Variants in CNTN4 observed in about 807,000 individuals in gnomAD.
CNTN4 encodes the protein contactin-4.
In CNTN4, 77 loss-of-function variants were observed where a neutral mutation model predicts 122.5. The ratio of observed to expected loss-of-function variants is 0.63; its 90% CI spans 0.52 to 0.76. The LOEUF is 0.76. Among genes scored for constraint, CNTN4 ranks in the 30% least tolerant of loss-of-function variants. The probability of loss-of-function intolerance (pLI) is 0.00; values close to 1 mark genes in which losing one functional copy is unlikely to be tolerated. For synonymous variants in CNTN4, 512 were observed against 447.0 expected, an observed-to-expected ratio of 1.15 and a Z score of -1.83; for missense variants, 1,256 against 1,259.1, an observed-to-expected ratio of 1.00 and a Z score of 0.04.
intron 4 of CNTN4, among the ~76,000 whole-genome samples, chr3:2,616,097 A>G (rs1044036776): frequency 6.6e-6 from 1 of 150,998 alleles, no homozygotes; most frequent in Non-Finnish European, 1.5e-5. Flanking sequence ...TATGTGTGCC[A>G]TGGTGCCTTG....
chr3:2,665,815 T>C (rs113257397), intron 4 of CNTN4, among the ~76,000 whole-genome samples: 1 of 152,182 alleles, frequency 6.6e-6, no homozygotes, highest in Admixed American at 6.6e-5. Context: ...AAATATGGGG[T>C]ATCCACATCC....
chr3:2,652,400 T>C (rs756432226), intron 4 of CNTN4, among the ~76,000 whole-genome samples: 44 of 152,152 alleles, frequency 2.9e-4, no homozygotes, highest in Non-Finnish European at 5.7e-4. Context: ...TCAACTACTA[T>C]CCTTATGGAT....
At chr3:2,561,632 G>A (rs567772971) in intron 3 of CNTN4, among the ~76,000 whole-genome samples, 27 of 152,114 alleles carry the variant, frequency 1.8e-4, no homozygotes, top group Non-Finnish European at 2.5e-4. Flanking sequence ...CAATTATATG[G>A]ATTTTCTCTC....
At chr3:2,989,782 G>T (rs1000523140) in intron 14 of CNTN4, among the ~76,000 whole-genome samples, 6 of 152,170 alleles carry the variant, frequency 3.9e-5, no homozygotes, top group African/African-American at 1.4e-4. Context: ...GTAAAGTGCA[G>T]TTCTAGCTAG....
chr3:2,345,286 G>A (rs2044359777), intron 3 of CNTN4, among the ~76,000 whole-genome samples: 1 of 152,044 alleles, frequency 6.6e-6, no homozygotes, highest in African/African-American at 2.4e-5. Context: ...ACACATTTTA[G>A]AGATTCTTTT....
intron 8 of CNTN4, among the ~76,000 whole-genome samples, chr3:2,867,277 C>T (rs996681990): frequency 2.0e-4 from 30 of 152,158 alleles, no homozygotes; most frequent in African/African-American, 6.8e-4. Context: ...AAAGGTTGAA[C>T]AATTAGCTCA....
intron 2 of CNTN4, among the ~76,000 whole-genome samples, chr3:2,308,271 T>C (rs1199335406): frequency 6.6e-6 from 1 of 152,048 alleles, no homozygotes; most frequent in Non-Finnish European, 1.5e-5. Context: ...TTATTCTCAA[T>C]TTTAGGATTT....
chr3:2,518,659 AT>A (rs1448196419), intron 3 of CNTN4, among the ~76,000 whole-genome samples: 1 of 152,184 alleles, frequency 6.6e-6, no homozygotes, highest in African/African-American at 2.4e-5. Flanking sequence ...TAACTAGTAA[AT>A]AAAACATATA....
At chr3:2,877,707 T>C (rs1467808832) in intron 8 of CNTN4, among the ~76,000 whole-genome samples, 1 of 152,168 alleles carries the variant, frequency 6.6e-6, no homozygotes, top group Non-Finnish European at 1.5e-5. Flanking sequence ...ATTCCATCAA[T>C]GTTCGCACTC....
chr3:2,315,401 G>A (rs1440423330), intron 2 of CNTN4, among the ~76,000 whole-genome samples: 1 of 151,992 alleles, frequency 6.6e-6, no homozygotes, highest in Admixed American at 6.6e-5. Flanking sequence ...GTGGGATGCT[G>A]TTATCTGAAG....
intron 2 of CNTN4, among the ~76,000 whole-genome samples, chr3:2,334,620 C>T (rs1379151041): frequency 6.6e-6 from 1 of 152,060 alleles, no homozygotes; most frequent in Non-Finnish European, 1.5e-5. Flanking sequence ...ATATTTTGTC[C>T]ACTGATTATT....
intron 3 of CNTN4, among the ~76,000 whole-genome samples, chr3:2,482,139 G>A (rs1163444034): frequency 6.6e-6 from 1 of 152,204 alleles, no homozygotes; most frequent in African/African-American, 2.4e-5. Context: ...ACTTCCTAGA[G>A]ACTTGTTGAA....
At chr3:2,176,322 A>T (rs4684338) in intron 2 of CNTN4, among the ~76,000 whole-genome samples, 43,630 of 152,066 alleles carry the variant, frequency 0.29, 7,965 homozygotes, top group Non-Finnish European at 0.42. Context: ...ATATGTACTT[A>T]TTAATGAGTT....
At chr3:3,045,058 T>C (rs757929090) in intron 23 of CNTN4, among the ~76,000 whole-genome samples, 16 of 152,130 alleles carry the variant, frequency 1.1e-4, no homozygotes, top group Non-Finnish European at 1.5e-4. Context: ...CAGTCTGAGA[T>C]CGAACTGCAA....
intron 4 of CNTN4, 116 bp downstream of exon 4, chr3:2,571,674 A>T (rs1454830714): frequency 1.3e-6 from 1 of 767,716 alleles, no homozygotes; most frequent in Non-Finnish European, 2.3e-6. Flanking sequence ...ATATGCTGCT[A>T]TGACTAGCAT....
At chr3:2,740,234 C>T (rs538310867) in intron 5 of CNTN4, among the ~76,000 whole-genome samples, 1 of 152,216 alleles carries the variant, frequency 6.6e-6, no homozygotes, top group East Asian at 1.9e-4. Flanking sequence ...GGGGTGCACA[C>T]CTGTAGTCTC....
At chr3:2,401,991 C>A (rs2046875492) in intron 3 of CNTN4, among the ~76,000 whole-genome samples, 1 of 152,140 alleles carries the variant, frequency 6.6e-6, no homozygotes, top group Non-Finnish European at 1.5e-5. Context: ...CTAAGAACAT[C>A]TGCTGGACTG....
chr3:2,397,401 T>A (rs2046679603), intron 3 of CNTN4, among the ~76,000 whole-genome samples: 1 of 152,174 alleles, frequency 6.6e-6, no homozygotes, highest in South Asian at 2.1e-4. Context: ...TGTAATGTCA[T>A]GTTATTTTAA....
intron 14 of CNTN4, chr3:2,999,020 C>T (rs976562806): frequency 1.3e-5 from 2 of 152,190 alleles, no homozygotes; most frequent in Non-Finnish European, 2.9e-5. Flanking sequence ...GAGAGATCCA[C>T]ATAAATATTT....
Sources: allele counts gnomAD v4.1 joint callset (sites outside exome capture counted in the v4.1 genomes callset), GRCh38; gene constraint gnomAD v4.1.1; transcripts MANE v1.5; gene names NCBI Gene and HGNC (gene_info 2026-07-23, HGNC 2026-07-21).